GLI3: variants seen among roughly 807,000 people sequenced by gnomAD.
GLI3 encodes GLI family zinc finger 3, also known as transcription activator GLI3.
In GLI3, 20 loss-of-function variants were observed where a neutral mutation model predicts 100.8. That is an observed-to-expected ratio of 0.20 (90% CI 0.14 to 0.29). GLI3 has a LOEUF of 0.29. Among genes scored for constraint, GLI3 ranks in the 10% least tolerant of loss-of-function variants. GLI3 has a pLI of 1.00. For synonymous variants in GLI3, 938 were observed against 860.5 expected (o/e 1.09, Z -1.58); for missense variants, 2,040 against 2,128.5 (o/e 0.96, Z 0.82).
At chr7:42,183,520 G>A (rs975852423) in intron 2 of GLI3, among the ~76,000 whole-genome samples, 4 of 152,114 alleles carry the variant, frequency 2.6e-5, no homozygotes, top group African/African-American at 4.8e-5. Context: ...ACAATTTCTG[G>A]GGACAGCAGA....
chr7:42,234,397 G>A (rs1479837293), intron 1 of GLI3, among the ~76,000 whole-genome samples: 1 of 152,174 alleles, frequency 6.6e-6, no homozygotes, highest in Non-Finnish European at 1.5e-5. Flanking sequence ...GGTAATTAAG[G>A]AAACTTCACT....
intron 3 of GLI3, among the ~76,000 whole-genome samples, chr7:42,129,536 C>T (rs544962124): frequency 2.6e-5 from 4 of 152,138 alleles, no homozygotes; most frequent in Non-Finnish European, 5.9e-5. Context: ...CTGGGTTGGG[C>T]GCGGTGGCTC....
At chr7:41,987,908 C>A (rs779583814) in intron 10 of GLI3, among the ~76,000 whole-genome samples, 1 of 152,090 alleles carries the variant, frequency 6.6e-6, no homozygotes, top group African/African-American at 2.4e-5. Flanking sequence ...ATGCACATGT[C>A]GCAGGCTCAA....
At chr7:42,240,370 G>A (rs1251132146), upstream of GLI3, among the ~76,000 whole-genome samples, 1 of 152,180 alleles carries the variant, frequency 6.6e-6, no homozygotes, top group Non-Finnish European at 1.5e-5. Flanking sequence ...TAGGGCCATG[G>A]TAACAAAGTA....
chr7:42,181,427 CCT>C (rs1422485666), intron 2 of GLI3, among the ~76,000 whole-genome samples: 4 of 151,790 alleles, frequency 2.6e-5, no homozygotes, highest in Non-Finnish European at 5.9e-5. Flanking sequence ...ATGATGAAAC[CCT>C]GTCTCTATAA....
intron 2 of GLI3, among the ~76,000 whole-genome samples, chr7:42,175,989 T>A (rs1225305548): frequency 6.6e-6 from 1 of 151,990 alleles, no homozygotes; most frequent in East Asian, 1.9e-4. Context: ...CCCACGCACA[T>A]AACTCTGAAC....
chr7:42,241,891 G>A (rs1437994590), upstream of GLI3, among the ~76,000 whole-genome samples: 1 of 152,188 alleles, frequency 6.6e-6, no homozygotes, highest in Non-Finnish European at 1.5e-5. Flanking sequence ...GCGGGCATGA[G>A]GTGAGCATGG....
intron 1 of GLI3, among the ~76,000 whole-genome samples, chr7:42,247,238 G>A (rs957777574): frequency 1.3e-5 from 2 of 152,074 alleles, no homozygotes; most frequent in African/African-American, 4.8e-5. Context: ...GCATACCTTC[G>A]AGTCCTTTCC....
intron 2 of GLI3, among the ~76,000 whole-genome samples, chr7:42,217,900 G>A (rs975656797): frequency 4.6e-5 from 7 of 152,200 alleles, no homozygotes; most frequent in Admixed American, 2.6e-4. Flanking sequence ...AGAGGCTAAC[G>A]TTTGCAGAGT....
Position 42,223,122 on chromosome 7 carries a change from CT to C in GLI3, c.124+7del. On this transcript the variant is annotated splice_region_variant and intron_variant, in intron 2 of 14. Transcript: ENST00000395925. ...GGCTGGGCTGCTGGTAATCCCTGTGCTGCTCACCATTAGAAGTGGTGCTGGA... is the reference window on the plus strand; with the variant it reads ...GGCTGGGCTGCTGGTAATCCCTGTGCGCTCACCATTAGAAGTGGTGCTGGA... 6.2e-7 allele frequency: 1 copy of C among 1,613,732 alleles called. No individual in the cohort carries two copies. The highest frequency in any genetic ancestry group is 8.5e-7 in the Non-Finnish European group (1 of 1,179,726).
At chr7:42,045,315 C>A (rs1339649006) in intron 6 of GLI3, 69 bp downstream of exon 6, 1 of 1,402,516 alleles carries the variant, frequency 7.1e-7, no homozygotes, top group Admixed American at 1.7e-5. Context: ...ATCTTTGTAT[C>A]TTCTTCTCTG....
At chr7:42,004,557 A>T (rs1481390105) in intron 10 of GLI3, among the ~76,000 whole-genome samples, 1 of 152,198 alleles carries the variant, frequency 6.6e-6, no homozygotes, top group Non-Finnish European at 1.5e-5. Flanking sequence ...ATAGGCCAGA[A>T]ATGAAATATG....
Position 42,030,822 on chromosome 7 carries a change from G to A in GLI3, c.1029-4410C>T, listed in dbSNP as rs377198316. 3.1e-3 allele frequency among the ~76,000 whole-genome samples: 465 copies of A among 151,562 alleles called. 5 individuals carry two copies. The highest frequency in any genetic ancestry group is 1.0e-2 in the African/African-American group (412 of 41,286). ...AAACCTCCGCCTCCCAGGTTCAAGC[G>A]ATTCTCCTGCCTCAGCCTCCCGAGC... On this transcript the variant is annotated intron_variant, in intron 7 of 14. Coordinates refer to ENST00000395925, the MANE Select transcript of GLI3 (RefSeq NM_000168.6).
chr7:42,205,765 T>C (rs1208365942), intron 2 of GLI3, among the ~76,000 whole-genome samples: 2 of 152,330 alleles, frequency 1.3e-5, no homozygotes, highest in South Asian at 2.1e-4. Flanking sequence ...CTACGTATTT[T>C]CTTATAAGTG....
intron 3 of GLI3, among the ~76,000 whole-genome samples, chr7:42,083,912 C>T (rs539044562): frequency 1.2e-3 from 181 of 152,224 alleles, no homozygotes; most frequent in African/African-American, 4.2e-3. Flanking sequence ...ATAGCAGTAG[C>T]TAAGCATTTG....
At chr7:42,245,035 C>T (rs1235039371) in intron 1 of GLI3, among the ~76,000 whole-genome samples, 4 of 152,216 alleles carry the variant, frequency 2.6e-5, no homozygotes, top group Admixed American at 2.6e-4. Flanking sequence ...AAATGACTCA[C>T]GTCCCAGAAT....
chr7:42,217,491 C>G (rs1450797477), intron 2 of GLI3, among the ~76,000 whole-genome samples: 1 of 152,118 alleles, frequency 6.6e-6, no homozygotes, highest in South Asian at 2.1e-4. Flanking sequence ...ACCAGTTCAA[C>G]CCAGGAAAAG....
rs1186292634 is a variant in GLI3 at position 42,262,209 on chromosome 7, T to TTCCTTCCTTACTTCCTTCC, written c.-43+1784_-43+1785insGGAAGGAAGTAAGGAAGGA. 6.9e-4 allele frequency among the ~76,000 whole-genome samples: 76 copies of TTCCTTCCTTACTTCCTTCC among 110,884 alleles called. 2 individuals carry two copies. Among genetic ancestry groups the TTCCTTCCTTACTTCCTTCC allele is most frequent in the Admixed American group, 1.0e-3 (11 of 10,736 alleles). The allele number at this position is 110,884 out of a possible 152,430, so 72.7% of individuals were successfully genotyped here. A position where few individuals can be genotyped will look rare whatever the true frequency, so the allele number is the denominator to read the frequency against. On this transcript the variant is annotated intron_variant, in intron 1 of 2. Coordinates refer to the GLI3 transcript ENST00000678978. Reference sequence around the variant, plus strand: ...TTCTTTTATTTTTTTTCCTTCCTTCTTTCCTTCCTTCCTTCTTTCCTTCCT... The same window carrying TTCCTTCCTTACTTCCTTCC: ...TTCTTTTATTTTTTTTCCTTCCTTCTTCCTTCCTTACTTCCTTCCTTCCTTCCTTCCTTCTTTCCTTCCT...
intron 4 of GLI3, among the ~76,000 whole-genome samples, chr7:42,056,345 A>G (rs188321824): frequency 2.1e-3 from 319 of 152,336 alleles, no homozygotes; most frequent in Non-Finnish European, 3.5e-3. Context: ...TACACTCAAA[A>G]GAAGTGTGTA....
Sources: allele counts gnomAD v4.1 joint callset (sites outside exome capture counted in the v4.1 genomes callset), GRCh38; gene constraint gnomAD v4.1.1; transcripts MANE v1.5; gene names NCBI Gene and HGNC (gene_info 2026-07-23, HGNC 2026-07-21).